The following FHOD3 variants were observed in gnomAD, a reference collection of about 807,000 sequenced individuals.
FHOD3 encodes formin homology 2 domain containing 3.
A neutral mutation model predicts 173.0 loss-of-function variants in FHOD3; 90 were observed. That is an observed-to-expected ratio of 0.52 (90% CI 0.44 to 0.62). The LOEUF (loss-of-function observed/expected upper bound fraction) is 0.62. Among genes scored for constraint, FHOD3 ranks in the 20% least tolerant of loss-of-function variants. The probability of loss-of-function intolerance (pLI) is 0.00; values close to 1 mark genes in which losing one functional copy is unlikely to be tolerated. For missense variants in FHOD3, 1,945 were observed against 2,034.7 expected (o/e 0.96, Z 0.85); for synonymous variants, 828 against 823.0 (o/e 1.01, Z -0.10).
intron 5 of FHOD3, among the ~76,000 whole-genome samples, chr18:36,563,676 G>A (rs548270929): frequency 4.6e-5 from 7 of 152,196 alleles, no homozygotes; most frequent in East Asian, 1.9e-4. Context: ...TTTAAGTCCC[G>A]TGAGTTTTCT....
intron 26 of FHOD3, among the ~76,000 whole-genome samples, chr18:36,759,399 A>C (rs925302392): frequency 6.6e-6 from 1 of 152,178 alleles, no homozygotes; most frequent in African/African-American, 2.4e-5. Context: ...ACCATGTCAC[A>C]AGTGGCAGGT....
intron 15 of FHOD3, among the ~76,000 whole-genome samples, chr18:36,685,931 A>T (rs1353034147): frequency 1.3e-5 from 2 of 152,184 alleles, no homozygotes; most frequent in African/African-American, 4.8e-5. Flanking sequence ...ATCTGTGGGT[A>T]CAGACAAAAG....
intron 3 of FHOD3, among the ~76,000 whole-genome samples, chr18:36,428,691 G>T (rs893003637): frequency 6.6e-6 from 1 of 152,266 alleles, no homozygotes. Context: ...TCTGCTGACT[G>T]GGCCCTCTAA....
intron 23 of FHOD3, among the ~76,000 whole-genome samples, chr18:36,744,534 C>T (rs1486712055): frequency 2.6e-5 from 4 of 152,204 alleles, no homozygotes; most frequent in Non-Finnish European, 5.9e-5. Flanking sequence ...TAGGTGGCAA[C>T]CATGTCAAAA....
chr18:36,632,943 T>C (rs145855292), intron 10 of FHOD3, among the ~76,000 whole-genome samples: 282 of 152,326 alleles, frequency 1.9e-3, no homozygotes, highest in African/African-American at 6.7e-3. Flanking sequence ...GCCAAGCAGA[T>C]GCCTTAAGAG....
chr18:36,335,736 G>A (rs2045275047), intron 1 of FHOD3, among the ~76,000 whole-genome samples: 1 of 152,118 alleles, frequency 6.6e-6, no homozygotes, highest in African/African-American at 2.4e-5. Flanking sequence ...TACGGATGCT[G>A]CTGCCACATC....
intron 5 of FHOD3, among the ~76,000 whole-genome samples, chr18:36,566,940 TTTCTG>T (rs1183526284): frequency 1.3e-5 from 2 of 152,218 alleles, no homozygotes; most frequent in African/African-American, 4.8e-5. Context: ...TGTACTGCGT[TTTCTG>T]TTCTATTTCA....
chr18:36,504,641 C>T (rs904862054), intron 4 of FHOD3, among the ~76,000 whole-genome samples: 1 of 151,776 alleles, frequency 6.6e-6, no homozygotes, highest in Non-Finnish European at 1.5e-5. Flanking sequence ...ATACCTAATG[C>T]TAAATGACGA....
At chr18:36,423,161 G>A (rs1005345516) in intron 3 of FHOD3, among the ~76,000 whole-genome samples, 4 of 151,712 alleles carry the variant, frequency 2.6e-5, no homozygotes, top group Admixed American at 1.3e-4. Context: ...GCTATGCTAT[G>A]CTATTCTGCT....
chr18:36,622,479 C>T (rs545960973), intron 9 of FHOD3, among the ~76,000 whole-genome samples: 32 of 152,246 alleles, frequency 2.1e-4, no homozygotes, highest in African/African-American at 6.3e-4. Context: ...ATGTGTAAGC[C>T]GTCAGGGCTG....
intron 3 of FHOD3, among the ~76,000 whole-genome samples, chr18:36,419,358 A>G (rs1022212921): frequency 2.6e-5 from 4 of 151,928 alleles, no homozygotes; most frequent in Non-Finnish European, 5.9e-5. Flanking sequence ...TGGCCAGGGC[A>G]GCTGTAGTGA....
chr18:36,768,893 C>T (rs570948951), intron 27 of FHOD3, among the ~76,000 whole-genome samples: 13 of 152,266 alleles, frequency 8.5e-5, no homozygotes, highest in African/African-American at 3.1e-4. Context: ...GGCTGTGTAG[C>T]AGGGTGTGGC....
chr18:36,700,750 C>T (rs986552298), intron 17 of FHOD3, among the ~76,000 whole-genome samples: 1 of 152,068 alleles, frequency 6.6e-6, no homozygotes, highest in African/African-American at 2.4e-5. Context: ...TCTTATGTGG[C>T]ATTCAAGACC....
rs376796205 is a variant in FHOD3 at position 36,574,047 on chromosome 18, T to G, written c.512-2404T>G. 7.0e-4 allele frequency among the ~76,000 whole-genome samples: 107 copies of G among 152,274 alleles called. 1 individual carries two copies. Among genetic ancestry groups the G allele is most frequent in the Middle Eastern group, 3.4e-3 (1 of 294 alleles). ...ATCCCTTCACTTCTCAGAGCCTCAG[T>G]TTTTTCTTCTTCCAAATGGAGGTAA... On this transcript the variant is annotated intron_variant, in intron 5 of 28. Transcript: ENST00000590592.
intron 19 of FHOD3, among the ~76,000 whole-genome samples, chr18:36,719,536 TTA>T (rs1380104187): frequency 7.2e-5 from 11 of 152,262 alleles, no homozygotes; most frequent in African/African-American, 2.2e-4. Flanking sequence ...TTTTCCAGTT[TTA>T]AAACAGGTTT....
At chr18:36,699,740 TGA>T (rs2039477091) in intron 17 of FHOD3, among the ~76,000 whole-genome samples, 1 of 152,194 alleles carries the variant, frequency 6.6e-6, no homozygotes, top group South Asian at 2.1e-4. Flanking sequence ...ACACTCACGT[TGA>T]CTTTCTGGTA....
At chr18:36,298,278 A>T (rs1027110872) in intron 1 of FHOD3, among the ~76,000 whole-genome samples, 5 of 145,712 alleles carry the variant, frequency 3.4e-5, no homozygotes, top group African/African-American at 1.3e-4. Context: ...GGGATGGAGA[A>T]GGCTCCCCCG....
chr18:36,740,838 G>A lies in FHOD3; in HGVS notation c.3759G>A (p.Lys1253=). The change falls in exon 21 of 29, where the codon AAG becomes AAA. Residue 1253 remains lysine, a splice_region_variant and synonymous_variant. Coordinates refer to ENST00000590592, the MANE Select transcript of FHOD3 (RefSeq NM_001281740.3). ...AFKMDYETTE[K]EVAEPLLDLK... ...AAATGGATTATGAAACTACAGAAAA[G>A]GTAAGCTCTCTGTAAGAGAGGCCGC... 4 of 1,607,464 alleles carry A rather than the reference G, an allele frequency of 2.5e-6. No homozygotes were observed. The highest frequency in any genetic ancestry group is 3.4e-6 in the Non-Finnish European group (4 of 1,178,388).
In FHOD3 at chr18:36,709,251, G is replaced by A. The variant is rs1345972050; in HGVS notation, c.2393G>A (p.Arg798Lys). 5.0e-6 allele frequency: 8 copies of A among 1,614,208 alleles called. No homozygotes were observed. The highest frequency in any genetic ancestry group is 1.1e-5 in the South Asian group (1 of 91,082). Residue 798 changes from arginine to lysine, a missense_variant, in exon 18 of 29, where the codon AGA becomes AAA. Arg to Lys is a conservative substitution (Grantham distance 26). Around this residue, in one of 5 missense-constraint regions of FHOD3, gnomAD observed 1,099 missense variants for 1,051.2 expected, o/e 1.05. Transcript: ENST00000590592. ...EQALEQEPEE[R>K]ASLSEKERQN... ...GCACTAGAGCAAGAGCCGGAAGAAA[G>A]AGCCTCCCTCAGTGAAAAAGAGAGG...
Sources: gnomAD v4.1 joint callset for allele counts (sites outside exome capture counted in the v4.1 genomes callset) on GRCh38, gnomAD v4.1.1 for gene constraint, gnomAD v4.1.1 regional missense constraint, MANE v1.5 for transcripts, NCBI Gene and HGNC (gene_info 2026-07-23, HGNC 2026-07-21) for gene names.